Variants in RBFOX1 observed in about 807,000 individuals in gnomAD.
RBFOX1 encodes the protein RNA binding protein fox-1 homolog 1.
In RBFOX1, 8 loss-of-function variants were observed where a neutral mutation model predicts 57.7. That is an observed-to-expected ratio of 0.14 (90% CI 0.08 to 0.25). RBFOX1 has a LOEUF of 0.25. RBFOX1 is among the 10% of genes least tolerant of loss of function. RBFOX1 has a pLI of 1.00. For synonymous variants in RBFOX1, 326 were observed against 222.4 expected, an observed-to-expected ratio of 1.47 and a Z score of -4.15; for missense variants, 611 against 548.5, an observed-to-expected ratio of 1.11 and a Z score of -1.14.
intron 1 of RBFOX1, among the ~76,000 whole-genome samples, chr16:6,059,609 C>G (rs9940556): frequency 2.0e-5 from 3 of 152,038 alleles, no homozygotes; most frequent in Non-Finnish European, 2.9e-5. Flanking sequence ...AATGGGTTCT[C>G]TGAGTAAATA....
At position 7,212,500 on chromosome 16, in the gene RBFOX1, C is replaced by G. The variant is rs531693733; in HGVS notation, c.27+160402C>G. Among the ~76,000 whole-genome samples, 13 of 152,206 alleles carry G rather than the reference C, an allele frequency of 8.5e-5. No individual in the cohort carries two copies. The South Asian group carries it at 1.0e-3, about 12-fold the overall frequency. On this transcript the variant is annotated intron_variant, in intron 4 of 15. Transcript: ENST00000550418. ...AGGGAATTACAAAATCAGGTACACC[C>G]TAGAGTGGGGTTTCTCAACAGCACC...
intron 9 of RBFOX1, among the ~76,000 whole-genome samples, chr16:7,600,314 T>C (rs1204832817): frequency 1.3e-5 from 2 of 152,220 alleles, no homozygotes; most frequent in East Asian, 3.9e-4. Flanking sequence ...ATAAAGACTT[T>C]GGCTTCTGTA....
intron 11 of RBFOX1, among the ~76,000 whole-genome samples, chr16:7,638,399 G>A (rs549224083): frequency 1.6e-4 from 22 of 137,678 alleles, no homozygotes; most frequent in East Asian, 8.9e-4. Flanking sequence ...ATCCCAAGCC[G>A]CCTTCTTCAC....
chr16:5,555,521 G>C (rs949862568), intron 2 of RBFOX1, among the ~76,000 whole-genome samples: 1 of 151,980 alleles, frequency 6.6e-6, no homozygotes, highest in Non-Finnish European at 1.5e-5. Flanking sequence ...AAAGTGCTGG[G>C]ATTACAGGCA....
intron 4 of RBFOX1, among the ~76,000 whole-genome samples, chr16:7,065,552 C>G (rs895473279): frequency 1.3e-5 from 2 of 152,156 alleles, no homozygotes; most frequent in African/African-American, 4.8e-5. Flanking sequence ...ATGGTATATC[C>G]TTATTGTATA....
At chr16:7,262,431 G>C (rs909040766) in intron 4 of RBFOX1, among the ~76,000 whole-genome samples, 2 of 152,160 alleles carry the variant, frequency 1.3e-5, no homozygotes, top group Non-Finnish European at 2.9e-5. Flanking sequence ...ATTGCAATAA[G>C]TGAAAGGTAA....
At chr16:7,241,738 C>T (rs2094072832) in intron 4 of RBFOX1, among the ~76,000 whole-genome samples, 1 of 151,922 alleles carries the variant, frequency 6.6e-6, no homozygotes, top group Admixed American at 6.6e-5. Flanking sequence ...TATACACAAA[C>T]ACACACACAT....
intron 2 of RBFOX1, among the ~76,000 whole-genome samples, chr16:6,583,344 G>C (rs961820556): frequency 1.3e-5 from 2 of 152,142 alleles, no homozygotes; most frequent in Non-Finnish European, 1.5e-5. Context: ...GGTGGGTTGC[G>C]TGCAGAGCAA....
chr16:7,031,740 T>G (rs1187634085), intron 3 of RBFOX1, among the ~76,000 whole-genome samples: 2 of 152,206 alleles, frequency 1.3e-5, no homozygotes, highest in Non-Finnish European at 2.9e-5. Context: ...CTATACTCTG[T>G]GCCCTCAAAC....
At chr16:7,517,975 C>T (rs186512601) in intron 4 of RBFOX1, among the ~76,000 whole-genome samples, 172 bp from the exon 5 acceptor site, 2 of 152,112 alleles carry the variant, frequency 1.3e-5, no homozygotes, top group East Asian at 3.9e-4. Context: ...TTACTGTTTC[C>T]TTATAGGGTC....
At chr16:7,125,276 C>T (rs1222850298) in intron 4 of RBFOX1, among the ~76,000 whole-genome samples, 1 of 152,104 alleles carries the variant, frequency 6.6e-6, no homozygotes, top group Admixed American at 6.5e-5. Flanking sequence ...TTCTAACCTG[C>T]AGCATCCTCA....
At chr16:6,280,014 C>G (rs1032979531) in intron 1 of RBFOX1, among the ~76,000 whole-genome samples, 2 of 151,714 alleles carry the variant, frequency 1.3e-5, no homozygotes, top group African/African-American at 2.4e-5. Flanking sequence ...GAAGCCTATC[C>G]TAAGCAGGTT....
intron 14 of RBFOX1, among the ~76,000 whole-genome samples, chr16:7,703,508 G>A (rs2081435159): frequency 6.6e-6 from 1 of 152,140 alleles, no homozygotes; most frequent in Non-Finnish European, 1.5e-5. Context: ...AGTTCCCAGG[G>A]CATAAACGCT....
intron 3 of RBFOX1, among the ~76,000 whole-genome samples, chr16:5,672,730 A>C (rs1040637158): frequency 1.6e-4 from 24 of 151,846 alleles, no homozygotes; most frequent in African/African-American, 5.1e-4. Context: ...AAAAAACTTT[A>C]GCGGTTGTTG....
At chr16:7,425,796 AT>A (rs573865330) in intron 4 of RBFOX1, among the ~76,000 whole-genome samples, 2 of 151,950 alleles carry the variant, frequency 1.3e-5, no homozygotes, top group Non-Finnish European at 2.9e-5. Context: ...GCCTTCCAGG[AT>A]TTTTTTTCCC....
intron 3 of RBFOX1, among the ~76,000 whole-genome samples, chr16:6,988,032 G>C (rs149476829): frequency 3.3e-5 from 5 of 152,070 alleles, no homozygotes; most frequent in African/African-American, 1.2e-4. Flanking sequence ...AAAAAAATTA[G>C]ATATGGAAAT....
chr16:6,697,024 T>C (rs1473373315), intron 3 of RBFOX1, among the ~76,000 whole-genome samples: 1 of 152,182 alleles, frequency 6.6e-6, no homozygotes, highest in Non-Finnish European at 1.5e-5. Flanking sequence ...AAAGAAAAGC[T>C]TAGACATTTC....
At chr16:6,875,117 T>C (rs1365194584) in intron 3 of RBFOX1, among the ~76,000 whole-genome samples, 1 of 152,168 alleles carries the variant, frequency 6.6e-6, no homozygotes, top group Non-Finnish European at 1.5e-5. Flanking sequence ...TTGACTGTGT[T>C]ACCCTAAGTT....
At chr16:6,139,266 T>C (rs1166532126) in intron 1 of RBFOX1, among the ~76,000 whole-genome samples, 2 of 152,156 alleles carry the variant, frequency 1.3e-5, no homozygotes, top group Admixed American at 1.3e-4. Flanking sequence ...GCAACTGTTA[T>C]TTTCCTGAGT....
Sources: allele counts gnomAD v4.1 joint callset (sites outside exome capture counted in the v4.1 genomes callset), GRCh38; gene constraint gnomAD v4.1.1; transcripts MANE v1.5; gene names NCBI Gene and HGNC (gene_info 2026-07-23, HGNC 2026-07-21).